The following TSEN2 variants were observed in gnomAD, a reference collection of about 807,000 sequenced individuals.
TSEN2 encodes tRNA-splicing endonuclease subunit Sen2.
Under a neutral mutation model 59.2 loss-of-function variants are expected in TSEN2, and 54 were observed. The observed-to-expected ratio is 0.91, with a 90% CI of 0.73 to 1.14. TSEN2 has a LOEUF of 1.14. Ranked by LOEUF, TSEN2 falls within the 50% of genes most tolerant of loss-of-function variation. TSEN2 has a pLI of 0.00. For missense variants in TSEN2, 636 were observed against 576.2 expected, an observed-to-expected ratio of 1.10 and a Z score of -1.06; for synonymous variants, 195 against 198.2, an observed-to-expected ratio of 0.98 and a Z score of 0.14.
chr3:12,508,327 G>T (rs1006465548), intron 6 of TSEN2, among the ~76,000 whole-genome samples: 1 of 152,214 alleles, frequency 6.6e-6, no homozygotes, highest in Admixed American at 6.5e-5. Flanking sequence ...CTTAGAAGCT[G>T]CCTGGCACCT....
intron 6 of TSEN2, among the ~76,000 whole-genome samples, chr3:12,512,424 G>GTATA (rs2055571153): frequency 6.6e-6 from 1 of 152,222 alleles, no homozygotes; most frequent in South Asian, 2.1e-4. Context: ...ATTCAGTGAT[G>GTATA]TATACACAAC....
At chr3:12,520,143 C>T (rs1159431187) in intron 8 of TSEN2, among the ~76,000 whole-genome samples, 1 of 152,048 alleles carries the variant, frequency 6.6e-6, no homozygotes, top group African/African-American at 2.4e-5. Flanking sequence ...GGAATACAGG[C>T]GCCCGCCATC....
intron 1 of TSEN2, among the ~76,000 whole-genome samples, chr3:12,487,003 T>A (rs1200786088): frequency 6.6e-6 from 1 of 152,252 alleles, no homozygotes; most frequent in Non-Finnish European, 1.5e-5. Flanking sequence ...AACATTCACA[T>A]ACAAATTTTT....
intron 9 of TSEN2, among the ~76,000 whole-genome samples, chr3:12,529,142 C>T (rs2057298861): frequency 6.6e-6 from 1 of 152,164 alleles, no homozygotes; most frequent in Non-Finnish European, 1.5e-5. Context: ...GTGTTAAACA[C>T]TGAGTTAATC....
At chr3:12,504,052 C>A (rs2054570836) in intron 5 of TSEN2, among the ~76,000 whole-genome samples, 1 of 152,178 alleles carries the variant, frequency 6.6e-6, no homozygotes, top group Admixed American at 6.5e-5. Context: ...GTGATAATTA[C>A]ACCTGATCTT....
chr3:12,506,633 G>A (rs2054869905), intron 6 of TSEN2: 2 of 867,936 alleles, frequency 2.3e-6, no homozygotes, highest in Non-Finnish European at 2.8e-6. Flanking sequence ...GCATCATATT[G>A]TCCCAGTGAC....
rs117519105 is a variant in TSEN2 at position 12,500,077 on chromosome 3, C to A, written c.309-3185C>A. On this transcript the variant is annotated intron_variant, in intron 4 of 11. Coordinates refer to ENST00000284995, the MANE Select transcript of TSEN2 (RefSeq NM_025265.4). ...TGTGTCCTTGCGGTCCTGGATGGTGCTGCTTTCCCCAGTCCTGTCACTGCT... is the reference window on the plus strand; with the variant it reads ...TGTGTCCTTGCGGTCCTGGATGGTGATGCTTTCCCCAGTCCTGTCACTGCT... 9.1e-4 allele frequency among the ~76,000 whole-genome samples: 138 copies of A among 152,308 alleles called. 2 individuals carry two copies. In the East Asian group the frequency reaches 0.025, roughly 27 times the overall value.
At chr3:12,528,834 C>T (rs1033486444) in intron 8 of TSEN2, 54 bp from the exon 9 acceptor site, 1 of 1,592,516 alleles carries the variant, frequency 6.3e-7, no homozygotes, top group Non-Finnish European at 8.6e-7. Context: ...GAGTCTTACT[C>T]CTCTCTCATT....
At chr3:12,506,423 CA>C (rs1559313909) in intron 6 of TSEN2, among the ~76,000 whole-genome samples, 3 of 151,950 alleles carry the variant, frequency 2.0e-5, no homozygotes, top group Non-Finnish European at 4.4e-5. Context: ...GGCAAAACCC[CA>C]TCTCTACAAA....
upstream of TSEN2, among the ~76,000 whole-genome samples, chr3:12,482,457 T>C (rs889172448): frequency 2.0e-5 from 3 of 152,246 alleles, no homozygotes; most frequent in East Asian, 5.8e-4. Flanking sequence ...TCTCTACTTT[T>C]GTGTTGTATG....
At chr3:12,511,900 T>G (rs1193588237) in intron 6 of TSEN2, among the ~76,000 whole-genome samples, 1 of 152,174 alleles carries the variant, frequency 6.6e-6, no homozygotes, top group Admixed American at 6.5e-5. Context: ...TAAGTTCTTC[T>G]AAGAGGCCAT....
intron 3 of TSEN2, among the ~76,000 whole-genome samples, chr3:12,495,006 A>G (rs2053601081): frequency 6.6e-6 from 1 of 150,904 alleles, no homozygotes; most frequent in Non-Finnish European, 1.5e-5. Flanking sequence ...GGCACTTGTA[A>G]TCCCAGCTAC....
downstream of TSEN2, among the ~76,000 whole-genome samples, chr3:12,534,711 G>A (rs1447669512): frequency 2.6e-5 from 4 of 151,752 alleles, no homozygotes; most frequent in Admixed American, 2.6e-4. Flanking sequence ...GGCTGACGCA[G>A]GAGAATGGCA....
chr3:12,495,773 A>G (rs1415206194), intron 3 of TSEN2, among the ~76,000 whole-genome samples: 1 of 152,180 alleles, frequency 6.6e-6, no homozygotes, highest in Non-Finnish European at 1.5e-5. Context: ...AGTTTGGGAA[A>G]AGAGAAGTAA....
chr3:12,510,050 C>A (rs1442459174), intron 6 of TSEN2, among the ~76,000 whole-genome samples: 1 of 152,210 alleles, frequency 6.6e-6, no homozygotes, highest in East Asian at 1.9e-4. Context: ...ACTGAAGATT[C>A]TAAGATTGTT....
chr3:12,521,095 A>G (rs1469576548), intron 8 of TSEN2, among the ~76,000 whole-genome samples: 1 of 152,186 alleles, frequency 6.6e-6, no homozygotes, highest in Non-Finnish European at 1.5e-5. Flanking sequence ...AGCTCCATCC[A>G]TGTTCTCACA....
chr3:12,507,234 T>A (rs1481624281), intron 6 of TSEN2, among the ~76,000 whole-genome samples: 1 of 152,116 alleles, frequency 6.6e-6, no homozygotes, highest in Admixed American at 6.6e-5. Context: ...AAATTCCTTT[T>A]CTCGGTTGCA....
chr3:12,504,041 G>A (rs994296101), intron 5 of TSEN2, among the ~76,000 whole-genome samples: 1 of 152,124 alleles, frequency 6.6e-6, no homozygotes, highest in Non-Finnish European at 1.5e-5. Context: ...AACAAAATGC[G>A]GTGATAATTA....
At chr3:12,531,482 C>G in intron 10 of TSEN2, 88 bp from the exon 11 acceptor site, 1 of 812,856 alleles carries the variant, frequency 1.2e-6, no homozygotes, top group South Asian at 1.4e-5. Flanking sequence ...GTGAGAGGGA[C>G]TGGAGACCAC....
Sources: gnomAD v4.1 joint callset for allele counts (sites outside exome capture counted in the v4.1 genomes callset) on GRCh38, gnomAD v4.1.1 for gene constraint, MANE v1.5 for transcripts, NCBI Gene and HGNC (gene_info 2026-07-23, HGNC 2026-07-21) for gene names.